Variants in ITGA1 observed in about 807,000 individuals in gnomAD.
ITGA1 encodes integrin subunit alpha 1.
A neutral mutation model predicts 145.9 loss-of-function variants in ITGA1; 85 were observed. The ratio of observed to expected loss-of-function variants is 0.58; its 90% confidence interval spans 0.49 to 0.70. The LOEUF is 0.70. ITGA1 is among the 30% of genes least tolerant of loss of function. ITGA1 has a pLI of 0.00. For missense variants in ITGA1, 1,351 were observed against 1,418.7 expected, an observed-to-expected ratio of 0.95 and a Z score of 0.77; for synonymous variants, 520 against 495.3, an observed-to-expected ratio of 1.05 and a Z score of -0.66.
At chr5:52,796,795 T>C (rs1748351178) in intron 1 of ITGA1, among the ~76,000 whole-genome samples, 1 of 152,104 alleles carries the variant, frequency 6.6e-6, no homozygotes, top group African/African-American at 2.4e-5. Flanking sequence ...TAAATTAACA[T>C]GGATTCAAGT....
rs1260040770 is a variant in ITGA1 at position 52,795,175 on chromosome 5, A to AGT, written c.61+6762_61+6763dup. ...TTAATTTTTGCATACTAAAAATATGAGTATGTGCCACTTGTTATGCTGTGT... is the reference window on the plus strand; with the variant it reads ...TTAATTTTTGCATACTAAAAATATGAGTGTATGTGCCACTTGTTATGCTGTGT... On this transcript the variant is annotated intron_variant, in intron 1 of 28. Coordinates refer to ENST00000282588, the MANE Select transcript of ITGA1 (RefSeq NM_181501.2). 2.0e-5 allele frequency among the ~76,000 whole-genome samples: 3 copies of AGT among 151,970 alleles called. No individual in the cohort carries two copies. In the East Asian group the frequency reaches 5.8e-4, roughly 29 times the overall value.
chr5:52,912,909 G>A (rs1750589278), intron 14 of ITGA1, among the ~76,000 whole-genome samples: 1 of 151,814 alleles, frequency 6.6e-6, no homozygotes, highest in Non-Finnish European at 1.5e-5. Context: ...ACCACGCCCG[G>A]CTAATTTTTT....
intron 11 of ITGA1, among the ~76,000 whole-genome samples, 173 bp downstream of exon 11, chr5:52,898,556 T>C (rs1487708039): frequency 6.6e-6 from 1 of 152,140 alleles, no homozygotes; most frequent in Non-Finnish European, 1.5e-5. Flanking sequence ...CTTTAGTTAG[T>C]CAAAATGACA....
chr5:52,830,523 T>C (rs1749042829), intron 1 of ITGA1, among the ~76,000 whole-genome samples: 1 of 152,234 alleles, frequency 6.6e-6, no homozygotes, highest in African/African-American at 2.4e-5. Context: ...TTTAAGTTGA[T>C]TGTAGTTCAT....
chr5:52,846,040 A>G (rs1321322565), intron 1 of ITGA1, among the ~76,000 whole-genome samples: 5 of 152,136 alleles, frequency 3.3e-5, no homozygotes, highest in Non-Finnish European at 7.4e-5. Context: ...TAGGCTGTAT[A>G]TCGCCTATGT....
At position 52,898,111 on chromosome 5, in the gene ITGA1, G is replaced by A. The variant is rs141540648; in HGVS notation, c.1165-128G>A. 249 of 517,784 alleles carry A rather than the reference G, an allele frequency of 4.8e-4. 1 individual carries two copies. The East Asian group carries it at 6.4e-3, about 13-fold the overall frequency. The allele number at this position is 517,784 out of a possible 1,614,324, so 32.1% of individuals were successfully genotyped here. A position where few individuals can be genotyped will look rare whatever the true frequency, so the allele number is the denominator to read the frequency against. ...AGCATCTAACTCATAGAGTTATCAT[G>A]AGGATTATATAAGCTAACAAATGTA... On this transcript the variant is annotated intron_variant, in intron 10 of 28. Transcript: ENST00000282588.
chr5:52,820,806 A>C (rs1291088885), intron 1 of ITGA1, among the ~76,000 whole-genome samples: 1 of 152,144 alleles, frequency 6.6e-6, no homozygotes, highest in Non-Finnish European at 1.5e-5. Context: ...GTATTATCTC[A>C]GTTTTTTTTT....
At chr5:52,830,774 C>T (rs969767179) in intron 1 of ITGA1, among the ~76,000 whole-genome samples, 13 of 152,142 alleles carry the variant, frequency 8.5e-5, no homozygotes, top group African/African-American at 2.9e-4. Context: ...AGCAGAGGCA[C>T]TCACCCTAAC....
chr5:52,881,275 A>ACT (rs1419845188), intron 6 of ITGA1, among the ~76,000 whole-genome samples: 2 of 152,126 alleles, frequency 1.3e-5, no homozygotes, highest in Admixed American at 1.3e-4. Context: ...GCCATGGCTC[A>ACT]CTGCCTTTCT....
At chr5:52,804,375 A>G (rs569257646) in intron 1 of ITGA1, among the ~76,000 whole-genome samples, 2 of 152,338 alleles carry the variant, frequency 1.3e-5, no homozygotes, top group South Asian at 4.1e-4. Flanking sequence ...TAGCTACGAT[A>G]CATATCAAAT....
At chr5:52,812,975 C>G (rs1260848352) in intron 1 of ITGA1, among the ~76,000 whole-genome samples, 1 of 151,986 alleles carries the variant, frequency 6.6e-6, no homozygotes, top group Non-Finnish European at 1.5e-5. Flanking sequence ...CAGAGTTACC[C>G]TCAACATGAG....
intron 6 of ITGA1, among the ~76,000 whole-genome samples, 183 bp downstream of exon 6, chr5:52,866,000 T>TTTTTTTTC (rs1561231237): frequency 1.3e-5 from 2 of 150,354 alleles, no homozygotes; most frequent in African/African-American, 2.5e-5. Context: ...TTATTTTCTA[T>TTTTTTTTC]TTTTTTCTTT....
At chr5:52,825,982 C>G (rs952203338) in intron 1 of ITGA1, among the ~76,000 whole-genome samples, 1 of 151,084 alleles carries the variant, frequency 6.6e-6, no homozygotes, top group Non-Finnish European at 1.5e-5. Context: ...TCTAAGTGTT[C>G]AAGTGAAAGG....
intron 28 of ITGA1, among the ~76,000 whole-genome samples, chr5:52,951,446 A>G (rs11748504): frequency 0.18 from 27,458 of 152,156 alleles, 2,723 homozygotes; most frequent in Middle Eastern, 0.25. Flanking sequence ...AGCACTTATA[A>G]CTTTTTATGA....
At chr5:52,911,729 T>C (rs1259514590) in intron 14 of ITGA1, among the ~76,000 whole-genome samples, 1 of 138,514 alleles carries the variant, frequency 7.2e-6, no homozygotes, top group Non-Finnish European at 1.5e-5. Flanking sequence ...ATACATATAG[T>C]GTATCTACTA....
chr5:52,875,184 A>G (rs1421226970), intron 6 of ITGA1, among the ~76,000 whole-genome samples: 3 of 152,094 alleles, frequency 2.0e-5, no homozygotes, highest in Non-Finnish European at 4.4e-5. Flanking sequence ...GTAAAGATAT[A>G]TATTTAACTT....
At chr5:52,848,724 C>A (rs1749376918) in intron 1 of ITGA1, among the ~76,000 whole-genome samples, 1 of 142,814 alleles carries the variant, frequency 7.0e-6, no homozygotes, top group East Asian at 2.3e-4. Flanking sequence ...CTTTCCCTCC[C>A]CCCTCCCCCC....
chr5:52,807,881 T>G (rs1748619352), intron 1 of ITGA1, among the ~76,000 whole-genome samples: 1 of 152,224 alleles, frequency 6.6e-6, no homozygotes, highest in African/African-American at 2.4e-5. Context: ...CAATAAACTT[T>G]TTTTTAATGA....
intron 15 of ITGA1, among the ~76,000 whole-genome samples, chr5:52,918,003 GGATC>G (rs1750673494): frequency 6.6e-6 from 1 of 152,102 alleles, no homozygotes; most frequent in African/African-American, 2.4e-5. Context: ...GTTCCGGCTT[GGATC>G]TAAGACAATG....
Sources: allele counts gnomAD v4.1 joint callset (sites outside exome capture counted in the v4.1 genomes callset), GRCh38; gene constraint gnomAD v4.1.1; transcripts MANE v1.5; gene names NCBI Gene and HGNC (gene_info 2026-07-23, HGNC 2026-07-21).